The following PTPRE variants were observed in gnomAD, a reference collection of about 807,000 sequenced individuals.
PTPRE encodes receptor-type tyrosine-protein phosphatase epsilon.
Under a neutral mutation model 102.0 loss-of-function variants are expected in PTPRE, and 51 were observed. The observed-to-expected ratio is 0.50, with a 90% CI of 0.40 to 0.63. PTPRE has a LOEUF of 0.63. Among genes scored for constraint, PTPRE ranks in the 30% least tolerant of loss-of-function variants. The probability of loss-of-function intolerance (pLI) is 0.00; values close to 1 mark genes in which losing one functional copy is unlikely to be tolerated. For missense variants in PTPRE, 752 were observed against 915.1 expected (o/e 0.82, Z 2.30); for synonymous variants, 345 against 348.2 (o/e 0.99, Z 0.10).
intron 2 of PTPRE, among the ~76,000 whole-genome samples, chr10:128,014,019 T>A (rs1214896268): frequency 6.6e-6 from 1 of 152,144 alleles, no homozygotes; most frequent in Non-Finnish European, 1.5e-5. Flanking sequence ...CCTCTGCCAT[T>A]CTCTTGAAGT....
At chr10:128,068,407 GTGAA>G in intron 12 of PTPRE, 121 bp downstream of exon 12, 1 of 1,165,310 alleles carries the variant, frequency 8.6e-7, no homozygotes, top group Non-Finnish European at 1.2e-6. Flanking sequence ...CAGGGCTGAT[GTGAA>G]CACAAATGTC....
chr10:127,974,687 G>A (rs1052526726), intron 1 of PTPRE, among the ~76,000 whole-genome samples: 1 of 152,162 alleles, frequency 6.6e-6, no homozygotes, highest in Non-Finnish European at 1.5e-5. Flanking sequence ...ATGTTAAATG[G>A]CTGGTTTAGC....
chr10:128,031,865 G>A (rs990607157), intron 2 of PTPRE, among the ~76,000 whole-genome samples: 3 of 152,120 alleles, frequency 2.0e-5, no homozygotes, highest in African/African-American at 4.8e-5. Flanking sequence ...CCAGGGCTCA[G>A]TTCCAACCAC....
intron 2 of PTPRE, among the ~76,000 whole-genome samples, chr10:128,015,553 A>T (rs1252124485): frequency 6.6e-6 from 1 of 152,056 alleles, no homozygotes; most frequent in African/African-American, 2.4e-5. Context: ...TTTTTAGTAG[A>T]GATGGGGTTT....
intron 1 of PTPRE, among the ~76,000 whole-genome samples, chr10:127,932,792 G>A (rs1407325657): frequency 6.9e-6 from 1 of 144,446 alleles, no homozygotes; most frequent in African/African-American, 2.6e-5. Flanking sequence ...CGAAGTTGAC[G>A]GGCTGCAGGG....
At chr10:127,966,174 C>T (rs1850233063) in intron 1 of PTPRE, among the ~76,000 whole-genome samples, 1 of 152,194 alleles carries the variant, frequency 6.6e-6, no homozygotes, top group African/African-American at 2.4e-5. Context: ...TCAAAGAGGT[C>T]CTATGCTGCA....
At chr10:127,997,890 T>C (rs2135538915) in intron 2 of PTPRE, among the ~76,000 whole-genome samples, 1 of 152,362 alleles carries the variant, frequency 6.6e-6, no homozygotes, top group Admixed American at 6.5e-5. Flanking sequence ...GCTGCTTCCG[T>C]CACATTTACA....
chr10:127,957,329 A>G (rs556866808), intron 1 of PTPRE, among the ~76,000 whole-genome samples: 7 of 152,302 alleles, frequency 4.6e-5, no homozygotes, highest in South Asian at 2.1e-4. Context: ...TGAAAAGACC[A>G]TCAATCTTTC....
At chr10:128,018,136 C>T (rs527542034) in intron 2 of PTPRE, among the ~76,000 whole-genome samples, 3 of 150,410 alleles carry the variant, frequency 2.0e-5, no homozygotes, top group Non-Finnish European at 3.0e-5. Context: ...GTGCCTGTTC[C>T]GGAGGTGGTA....
chr10:128,074,666 CA>C (rs34362431), intron 17 of PTPRE, among the ~76,000 whole-genome samples: 16,406 of 133,144 alleles, frequency 0.12, 935 homozygotes, highest in African/African-American at 0.17. Flanking sequence ...GACTCTGTCT[CA>C]AAAAAAAAAA....
intron 2 of PTPRE, among the ~76,000 whole-genome samples, chr10:128,017,556 A>C (rs1219663164): frequency 6.6e-6 from 1 of 151,982 alleles, no homozygotes; most frequent in African/African-American, 2.4e-5. Context: ...CCCACCGACA[A>C]CATCCTGAAA....
chr10:127,927,386 G>T (rs7089111), intron 1 of PTPRE, among the ~76,000 whole-genome samples: 12 of 152,112 alleles, frequency 7.9e-5, no homozygotes, highest in Admixed American at 6.5e-4. Flanking sequence ...AAGACACTCC[G>T]CATGAGAGGG....
chr10:128,041,990 G>A (rs1847734675), intron 3 of PTPRE, among the ~76,000 whole-genome samples: 1 of 152,176 alleles, frequency 6.6e-6, no homozygotes, highest in Non-Finnish European at 1.5e-5. Context: ...AAGGAGAGCA[G>A]TTCTGAGCGC....
chr10:128,010,126 T>C (rs1444345331), intron 2 of PTPRE, among the ~76,000 whole-genome samples: 1 of 152,242 alleles, frequency 6.6e-6, no homozygotes. Flanking sequence ...CCAGGCCCTT[T>C]GCTGGCCGTA....
At chr10:128,065,367 C>T (rs994661134) in intron 10 of PTPRE, among the ~76,000 whole-genome samples, 1 of 152,202 alleles carries the variant, frequency 6.6e-6, no homozygotes, top group African/African-American at 2.4e-5. Context: ...GGTGGGTCCT[C>T]ATTCACTCGC....
At chr10:127,933,158 G>A (rs767245256) in intron 1 of PTPRE, among the ~76,000 whole-genome samples, 9 of 152,068 alleles carry the variant, frequency 5.9e-5, no homozygotes, top group Non-Finnish European at 1.2e-4. Flanking sequence ...AATCCCATCT[G>A]CAAAGTCCCT....
chr10:127,982,308 A>G lies in PTPRE; in HGVS notation c.-8+12A>G. 1 of 1,236,564 alleles carries G rather than the reference A, an allele frequency of 8.1e-7. No individual in the cohort carries two copies. The highest frequency in any genetic ancestry group is 1.1e-6 in the Non-Finnish European group (1 of 950,334). 76.6% of individuals were successfully genotyped at this position (1,236,564 alleles called of 1,614,324 possible). ...TTCACTTTCCCTCGGTGAGTACAAAACTTTTTAAAAATTATTTTTGATGTA... is the reference window on the plus strand; with the variant it reads ...TTCACTTTCCCTCGGTGAGTACAAAGCTTTTTAAAAATTATTTTTGATGTA... On this transcript the variant is annotated intron_variant, in intron 2 of 20. Coordinates refer to ENST00000254667, the MANE Select transcript of PTPRE (RefSeq NM_006504.6).
chr10:128,073,229 TGA>T (rs1850937319), intron 16 of PTPRE, 106 bp from the exon 17 acceptor site: 2 of 1,464,304 alleles, frequency 1.4e-6, no homozygotes, highest in Admixed American at 2.0e-5. Context: ...CCATGGAGGA[TGA>T]GAGAGTTTTC....
chr10:128,019,689 T>C (rs1264941423), intron 2 of PTPRE, among the ~76,000 whole-genome samples: 1 of 152,150 alleles, frequency 6.6e-6, no homozygotes, highest in Non-Finnish European at 1.5e-5. Context: ...CCCCTGAGCA[T>C]CCACCATGTG....
Sources: allele counts gnomAD v4.1 joint callset (sites outside exome capture counted in the v4.1 genomes callset), GRCh38; gene constraint gnomAD v4.1.1; transcripts MANE v1.5; gene names NCBI Gene and HGNC (gene_info 2026-07-23, HGNC 2026-07-21).